Variants in KIAA1328 observed in about 807,000 individuals in gnomAD.
KIAA1328 encodes the protein KIAA1328, also known as protein hinderin.
In KIAA1328, 52 loss-of-function variants were observed where a neutral mutation model predicts 68.1. The ratio of observed to expected loss-of-function variants is 0.76; its 90% confidence interval spans 0.61 to 0.96. The LOEUF is 0.96. KIAA1328 is among the 40% of genes least tolerant of loss of function. The pLI is 0.00. For synonymous variants in KIAA1328, 232 were observed against 239.4 expected (o/e 0.97, Z 0.28); for missense variants, 641 against 677.6 (o/e 0.95, Z 0.60).
At chr18:37,217,548 A>G (rs1408550733) in intron 9 of KIAA1328, among the ~76,000 whole-genome samples, 3 of 152,094 alleles carry the variant, frequency 2.0e-5, no homozygotes, top group African/African-American at 4.8e-5. Context: ...CTGTTAGTCC[A>G]ATGGGCTTCC....
intron 5 of KIAA1328, among the ~76,000 whole-genome samples, chr18:36,904,960 T>A (rs1568145388): frequency 6.6e-6 from 1 of 152,084 alleles, no homozygotes; most frequent in Non-Finnish European, 1.5e-5. Flanking sequence ...CTACTTTAGC[T>A]ACTTTATGAT....
At chr18:36,941,102 C>A (rs902605293) in intron 5 of KIAA1328, among the ~76,000 whole-genome samples, 1 of 152,092 alleles carries the variant, frequency 6.6e-6, no homozygotes, top group African/African-American at 2.4e-5. Context: ...CTGGAAAGAT[C>A]TTGGTTGTCA....
chr18:37,023,920 A>C (rs114138072), intron 6 of KIAA1328, among the ~76,000 whole-genome samples: 7,345 of 152,292 alleles, frequency 0.048, 289 homozygotes, highest in African/African-American at 0.1. Flanking sequence ...TAATAAGCAT[A>C]GTATCCAACA....
intron 5 of KIAA1328, among the ~76,000 whole-genome samples, chr18:36,942,911 A>G (rs1184085104): frequency 6.6e-6 from 1 of 152,228 alleles, no homozygotes; most frequent in Non-Finnish European, 1.5e-5. Flanking sequence ...CAATTCATAG[A>G]GACAGAACAT....
chr18:36,964,076 C>A (rs2051814215), intron 6 of KIAA1328, among the ~76,000 whole-genome samples: 1 of 152,018 alleles, frequency 6.6e-6, no homozygotes. Flanking sequence ...GTTGGCAAAG[C>A]CAAGATATGA....
At chr18:36,920,361 G>A (rs996685397) in intron 5 of KIAA1328, among the ~76,000 whole-genome samples, 1 of 152,100 alleles carries the variant, frequency 6.6e-6, no homozygotes, top group Non-Finnish European at 1.5e-5. Flanking sequence ...GAGGTTGTAA[G>A]TGTACAGCTT....
At chr18:37,017,559 G>A (rs8084381) in intron 6 of KIAA1328, among the ~76,000 whole-genome samples, 20,695 of 152,056 alleles carry the variant, frequency 0.14, 1,752 homozygotes, top group Admixed American at 0.18. Flanking sequence ...CCGTCACTAG[G>A]GTGTTGAAGT....
chr18:37,157,558 A>T (rs1417723041), intron 7 of KIAA1328, among the ~76,000 whole-genome samples: 2 of 152,094 alleles, frequency 1.3e-5, no homozygotes, highest in Non-Finnish European at 2.9e-5. Context: ...CACACCTGTA[A>T]TCCCAGCACT....
intron 6 of KIAA1328, among the ~76,000 whole-genome samples, chr18:37,004,103 T>C: frequency 6.6e-6 from 1 of 152,132 alleles, no homozygotes; most frequent in Admixed American, 6.6e-5. Flanking sequence ...TTTAGGATTG[T>C]TTTTTCTAGT....
chr18:37,117,652 A>G (rs2058151857), intron 7 of KIAA1328, among the ~76,000 whole-genome samples: 1 of 152,156 alleles, frequency 6.6e-6, no homozygotes, highest in African/African-American at 2.4e-5. Context: ...TTTAAAAAAA[A>G]ATTAAAAACA....
At chr18:37,184,558 G>A (rs1199432659) in intron 9 of KIAA1328, among the ~76,000 whole-genome samples, 1 of 152,154 alleles carries the variant, frequency 6.6e-6, no homozygotes, top group Non-Finnish European at 1.5e-5. Flanking sequence ...TGTTGACAGT[G>A]AGCAGAGCTT....
chr18:36,844,936 A>G (rs1255963941), intron 4 of KIAA1328, among the ~76,000 whole-genome samples: 4 of 151,898 alleles, frequency 2.6e-5, no homozygotes, highest in East Asian at 1.9e-4. Context: ...CGGAGAGACC[A>G]TACCTAAAAG....
At chr18:37,180,101 C>T (rs924475510) in intron 9 of KIAA1328, among the ~76,000 whole-genome samples, 9 of 132,830 alleles carry the variant, frequency 6.8e-5, no homozygotes, top group Non-Finnish European at 1.4e-4. Flanking sequence ...CACACACACA[C>T]ACACATTTTT....
chr18:37,015,083 A>G (rs958946337), intron 6 of KIAA1328, among the ~76,000 whole-genome samples: 2 of 152,108 alleles, frequency 1.3e-5, no homozygotes, highest in African/African-American at 2.4e-5. Context: ...TAGTATTTTT[A>G]GTAGAGTCGG....
At chr18:37,209,902 T>C (rs1199768656) in intron 9 of KIAA1328, among the ~76,000 whole-genome samples, 4 of 152,190 alleles carry the variant, frequency 2.6e-5, no homozygotes, top group Non-Finnish European at 5.9e-5. Flanking sequence ...CATTAACATA[T>C]AGATGTTATT....
intron 7 of KIAA1328, among the ~76,000 whole-genome samples, chr18:37,111,648 G>T (rs964999481): frequency 6.6e-6 from 1 of 152,168 alleles, no homozygotes; most frequent in Non-Finnish European, 1.5e-5. Context: ...TCCAACTGAG[G>T]CGCCTGGTTC....
At chr18:37,167,298 A>T (rs2059408935) in intron 8 of KIAA1328, among the ~76,000 whole-genome samples, 1 of 152,108 alleles carries the variant, frequency 6.6e-6, no homozygotes, top group African/African-American at 2.4e-5. Flanking sequence ...TAACCAGCTC[A>T]ATTAGACCCT....
At chr18:36,834,276 G>A in intron 1 of KIAA1328, 44 bp from the exon 2 acceptor site, 1 of 1,487,128 alleles carries the variant, frequency 6.7e-7, no homozygotes, top group East Asian at 2.5e-5. Flanking sequence ...GCATTTGGAT[G>A]CCGGATAATA....
At chr18:37,084,112 T>C (rs1452996152) in intron 7 of KIAA1328, 11 of 1,425,866 alleles carry the variant, frequency 7.7e-6, no homozygotes, top group Non-Finnish European at 1.0e-5. Context: ...ATTTTTTAAA[T>C]TAATTTTTAC....
Sources: allele counts gnomAD v4.1 joint callset (sites outside exome capture counted in the v4.1 genomes callset), GRCh38; gene constraint gnomAD v4.1.1; transcripts MANE v1.5; gene names NCBI Gene and HGNC (gene_info 2026-07-23, HGNC 2026-07-21).